The following LRP1B variants were observed in gnomAD, a reference collection of about 807,000 sequenced individuals.
LRP1B encodes LDL receptor related protein 1B.
Under a neutral mutation model 556.6 loss-of-function variants are expected in LRP1B, and 217 were observed. The observed-to-expected ratio is 0.39, with a 90% CI of 0.35 to 0.44. LRP1B has a LOEUF of 0.44. Among genes scored for constraint, LRP1B ranks in the 20% least tolerant of loss-of-function variants. The pLI, the probability that LRP1B is intolerant of heterozygous loss-of-function variation, is 1.00. For synonymous variants in LRP1B, 2,047 were observed against 1,865.8 expected, an observed-to-expected ratio of 1.10 and a Z score of -2.50; for missense variants, 5,053 against 5,620.8, an observed-to-expected ratio of 0.90 and a Z score of 3.23.
intron 31 of LRP1B, among the ~76,000 whole-genome samples, chr2:140,822,484 A>C (rs530624062): frequency 1.2e-4 from 18 of 152,366 alleles, no homozygotes; most frequent in African/African-American, 4.1e-4. Context: ...GAAGTCAGTG[A>C]ATTACAACAT....
chr2:140,550,087 ATGAGTAAGAACGTGAGTCGTTGTGAGTTT>A lies in LRP1B; in HGVS notation c.7195-8145_7195-8117del, dbSNP rs1484545368. On this transcript the variant is annotated intron_variant, in intron 43 of 90. Coordinates refer to ENST00000389484, the MANE Select transcript of LRP1B (RefSeq NM_018557.3). Reference sequence around the variant, plus strand: ...TGTTCTCATTGTTCAACTCCTGCTTATGAGTAAGAACGTGAGTCGTTGTGAGTTTTGAGGCCTTTGCACTGCACCTGCTC... The same window carrying A: ...TGTTCTCATTGTTCAACTCCTGCTTATGAGGCCTTTGCACTGCACCTGCTC... Among the ~76,000 whole-genome samples, 129 of 152,034 alleles carry A rather than the reference ATGAGTAAGAACGTGAGTCGTTGTGAGTTT, an allele frequency of 8.5e-4. 1 individual carries two copies. Among genetic ancestry groups the A allele is most frequent in the Admixed American group, 2.8e-3 (43 of 15,256 alleles).
intron 3 of LRP1B, among the ~76,000 whole-genome samples, chr2:141,282,664 G>A (rs1326455091): frequency 6.6e-6 from 1 of 151,704 alleles, no homozygotes; most frequent in Admixed American, 6.6e-5. Context: ...TCATATGAAT[G>A]GTAGTACTAG....
At chr2:140,331,256 A>G (rs187844907) in intron 79 of LRP1B, among the ~76,000 whole-genome samples, 43 of 152,236 alleles carry the variant, frequency 2.8e-4, no homozygotes, top group African/African-American at 1.0e-3. Context: ...AAGGAATGCG[A>G]TCATGTCCTT....
Position 142,130,756 on chromosome 2 carries a change from G to T in LRP1B, c.-27C>A, listed in dbSNP as rs1257411979. The T allele has an allele frequency of 2.1e-5, 34 of 1,584,270 alleles. No individual in the cohort carries two copies. Among genetic ancestry groups the T allele is most frequent in the Non-Finnish European group, 2.8e-5 (32 of 1,159,412 alleles). On this transcript the variant is annotated 5_prime_UTR_variant, in exon 1 of 91. Coordinates refer to ENST00000389484, the MANE Select transcript of LRP1B (RefSeq NM_018557.3). ...GTGGTCGCCCGGTAAGGAAGCCTGCGCTGGAGACTGCTCGGCGGCACCTTC... is the reference window on the plus strand; with the variant it reads ...GTGGTCGCCCGGTAAGGAAGCCTGCTCTGGAGACTGCTCGGCGGCACCTTC...
intron 7 of LRP1B, among the ~76,000 whole-genome samples, chr2:141,076,218 C>A (rs1525589): frequency 0.81 from 122,650 of 152,116 alleles, 49,808 homozygotes; most frequent in Non-Finnish European, 0.85. Flanking sequence ...TGAAGGGAAA[C>A]AACTGTCCTC....
intron 3 of LRP1B, among the ~76,000 whole-genome samples, chr2:141,471,390 T>C (rs942686920): frequency 4.6e-5 from 7 of 151,996 alleles, no homozygotes; most frequent in African/African-American, 1.7e-4. Flanking sequence ...TTCCTGAGTA[T>C]TTTTTCAGGT....
intron 69 of LRP1B, among the ~76,000 whole-genome samples, chr2:140,371,669 C>T (rs930548981): frequency 6.6e-6 from 1 of 151,378 alleles, no homozygotes; most frequent in Non-Finnish European, 1.5e-5. Context: ...TCTCCAAATA[C>T]TTTCAAAACT....
At chr2:140,350,669 A>G in intron 77 of LRP1B, 128 bp downstream of exon 77, 1 of 766,212 alleles carries the variant, frequency 1.3e-6, no homozygotes, top group Non-Finnish European at 2.0e-6. Context: ...TTTCTATTTA[A>G]GGAGAATATT....
chr2:141,795,702 T>C (rs1695780920), intron 2 of LRP1B, among the ~76,000 whole-genome samples: 1 of 151,654 alleles, frequency 6.6e-6, no homozygotes, highest in Admixed American at 6.6e-5. Context: ...CTATGTGTCC[T>C]TAAGCCTGTT....
chr2:140,602,847 A>G (rs1051118358), intron 41 of LRP1B, among the ~76,000 whole-genome samples: 5 of 152,006 alleles, frequency 3.3e-5, no homozygotes, highest in Non-Finnish European at 7.4e-5. Context: ...ACTGCTTTTC[A>G]TACATCATTT....
chr2:141,021,052 C>T (rs1339582847), intron 11 of LRP1B, among the ~76,000 whole-genome samples: 1 of 151,976 alleles, frequency 6.6e-6, no homozygotes, highest in Non-Finnish European at 1.5e-5. Flanking sequence ...TCCTTCTTTT[C>T]TCTCAAAACC....
At chr2:141,566,722 A>G (rs1052487878) in intron 2 of LRP1B, among the ~76,000 whole-genome samples, 2 of 152,108 alleles carry the variant, frequency 1.3e-5, no homozygotes, top group East Asian at 3.9e-4. Context: ...GGATGGGTGC[A>G]ATGTCATGCA....
chr2:141,258,994 T>C (rs956550933), intron 3 of LRP1B, among the ~76,000 whole-genome samples: 4 of 152,136 alleles, frequency 2.6e-5, no homozygotes, highest in African/African-American at 9.7e-5. Context: ...AGCACAGTTG[T>C]AAAGGAGGAA....
At chr2:142,103,328 A>G (rs1706631124) in intron 1 of LRP1B, among the ~76,000 whole-genome samples, 2 of 151,958 alleles carry the variant, frequency 1.3e-5, no homozygotes, top group African/African-American at 2.4e-5. Context: ...CTGAGAACCC[A>G]TAAGACCAAA....
intron 2 of LRP1B, among the ~76,000 whole-genome samples, chr2:141,705,968 A>G (rs1212887153): frequency 6.6e-6 from 1 of 152,064 alleles, no homozygotes; most frequent in Admixed American, 6.6e-5. Context: ...TTAGTATAAT[A>G]GATTCGACTT....
intron 41 of LRP1B, among the ~76,000 whole-genome samples, chr2:140,692,853 C>G (rs1686293310): frequency 6.8e-6 from 1 of 147,054 alleles, no homozygotes; most frequent in Non-Finnish European, 1.5e-5. Flanking sequence ...TTTGTGAAAT[C>G]TGTTCTTACC....
intron 31 of LRP1B, among the ~76,000 whole-genome samples, chr2:140,834,414 A>G (rs1691827750): frequency 2.0e-5 from 3 of 151,810 alleles, no homozygotes; most frequent in Admixed American, 1.3e-4. Flanking sequence ...TAATTTTTGT[A>G]TTTTCAGTAG....
chr2:141,996,588 G>T (rs755162690), intron 1 of LRP1B, among the ~76,000 whole-genome samples: 4 of 152,148 alleles, frequency 2.6e-5, no homozygotes, highest in Non-Finnish European at 4.4e-5. Flanking sequence ...TATGATGCTG[G>T]ATTGTCTGGC....
At chr2:141,431,235 A>AAGTC (rs70991161) in intron 3 of LRP1B, among the ~76,000 whole-genome samples, 69,514 of 151,562 alleles carry the variant, frequency 0.46, 16,085 homozygotes, top group East Asian at 0.6. Context: ...GTTCAAGAGA[A>AAGTC]AGTCAGAGAG....
Sources: gnomAD v4.1 joint callset for allele counts (sites outside exome capture counted in the v4.1 genomes callset) on GRCh38, gnomAD v4.1.1 for gene constraint, MANE v1.5 for transcripts, NCBI Gene and HGNC (gene_info 2026-07-23, HGNC 2026-07-21) for gene names.